The following DCLK1 variants were observed in gnomAD, a reference collection of about 807,000 sequenced individuals.
DCLK1 encodes serine/threonine-protein kinase DCLK1.
In DCLK1, 16 loss-of-function variants were observed where a neutral mutation model predicts 86.2. The ratio of observed to expected loss-of-function variants is 0.19; its 90% CI spans 0.13 to 0.28. DCLK1 has a LOEUF of 0.28. Among genes scored for constraint, DCLK1 ranks in the 10% least tolerant of loss-of-function variants. DCLK1 has a pLI of 1.00. For missense variants in DCLK1, 590 were observed against 940.2 expected (o/e 0.63, Z 4.87); for synonymous variants, 369 against 370.5 (o/e 1.00, Z 0.05).
At chr13:36,100,212 A>C (rs1164802816) in intron 3 of DCLK1, among the ~76,000 whole-genome samples, 7 of 83,240 alleles carry the variant, frequency 8.4e-5, no homozygotes, top group Non-Finnish European at 1.6e-4. Flanking sequence ...AAAAAAAAAA[A>C]ACCACACACA....
intron 3 of DCLK1, among the ~76,000 whole-genome samples, chr13:35,983,258 TG>T: frequency 6.6e-6 from 1 of 152,314 alleles, no homozygotes; most frequent in African/African-American, 2.4e-5. Flanking sequence ...CCTAAAGCGC[TG>T]GGATTACAGG....
intron 4 of DCLK1, among the ~76,000 whole-genome samples, chr13:35,908,918 G>A (rs952283558): frequency 5.3e-5 from 8 of 152,200 alleles, no homozygotes; most frequent in Middle Eastern, 6.3e-3. Flanking sequence ...TTACAGGTGT[G>A]AGCCACCACA....
chr13:35,781,333 C>T (rs1157857425), intron 16 of DCLK1, among the ~76,000 whole-genome samples: 2 of 152,212 alleles, frequency 1.3e-5, no homozygotes, highest in East Asian at 1.9e-4. Flanking sequence ...CATCGAGCCC[C>T]AATTTCCAGG....
intron 3 of DCLK1, among the ~76,000 whole-genome samples, chr13:36,076,519 C>A (rs903146255): frequency 6.6e-6 from 1 of 152,174 alleles, no homozygotes; most frequent in Admixed American, 6.5e-5. Flanking sequence ...TATTGTATGT[C>A]CTTCTGATCA....
chr13:36,045,058 C>A (rs1459308357), intron 3 of DCLK1, among the ~76,000 whole-genome samples: 1 of 151,110 alleles, frequency 6.6e-6, no homozygotes, highest in Admixed American at 6.6e-5. Context: ...TATTCTATTT[C>A]TTAATCTGAG....
chr13:35,877,405 C>T (rs1158689370), intron 4 of DCLK1, among the ~76,000 whole-genome samples: 1 of 152,200 alleles, frequency 6.6e-6, no homozygotes, highest in Non-Finnish European at 1.5e-5. Context: ...CCACCAAAGA[C>T]ACCAGTGGCT....
At chr13:36,015,037 C>T (rs565512635) in intron 3 of DCLK1, among the ~76,000 whole-genome samples, 33 of 151,596 alleles carry the variant, frequency 2.2e-4, no homozygotes, top group African/African-American at 4.4e-4. Context: ...TCTCCCTATC[C>T]GCCCCCCCAC....
intron 4 of DCLK1, among the ~76,000 whole-genome samples, chr13:35,919,870 T>C (rs748539795): frequency 2.4e-4 from 29 of 120,316 alleles, no homozygotes; most frequent in Non-Finnish European, 4.4e-4. Context: ...TCTTCCTCTG[T>C]ACAATGAGGA....
intron 6 of DCLK1, among the ~76,000 whole-genome samples, chr13:35,845,599 G>A (rs1870119611): frequency 6.6e-6 from 1 of 152,148 alleles, no homozygotes; most frequent in Non-Finnish European, 1.5e-5. Flanking sequence ...TTATCGATAT[G>A]TCTGACAAAT....
At chr13:36,126,219 T>TG (rs879211637) in intron 1 of DCLK1, 63 bp from the exon 2 acceptor site, 376,950 of 1,237,572 alleles carry the variant, frequency 0.3, 66,114 homozygotes, top group East Asian at 0.57. Flanking sequence ...ATATATATAT[T>TG]TTTTTGTTTT....
At chr13:36,047,612 C>T (rs1882965152) in intron 3 of DCLK1, among the ~76,000 whole-genome samples, 1 of 152,056 alleles carries the variant, frequency 6.6e-6, no homozygotes, top group Non-Finnish European at 1.5e-5. Context: ...TGCATGATCT[C>T]AGTTACATGT....
chr13:35,967,152 C>T (rs1005091688), intron 3 of DCLK1, among the ~76,000 whole-genome samples: 3 of 151,746 alleles, frequency 2.0e-5, no homozygotes, highest in Non-Finnish European at 4.4e-5. Context: ...TCTGCCCGGC[C>T]GCCACCCCGA....
chr13:35,886,388 A>G lies in DCLK1; in HGVS notation c.824-15048T>C, dbSNP rs1465852531. 2.0e-5 allele frequency among the ~76,000 whole-genome samples: 3 copies of G among 152,152 alleles called. No individual in the cohort carries two copies. In the East Asian group the frequency reaches 5.8e-4, roughly 29 times the overall value. On this transcript the variant is annotated intron_variant, in intron 4 of 16. Coordinates refer to ENST00000360631, the MANE Select transcript of DCLK1 (RefSeq NM_001330071.2). ...CGGCAGCCAATCGTGTTTCTGGGCAATGGTTTAGATACTGCTCTAAATATT... is the reference window on the plus strand; with the variant it reads ...CGGCAGCCAATCGTGTTTCTGGGCAGTGGTTTAGATACTGCTCTAAATATT...
chr13:36,057,547 G>A (rs1883382680), intron 3 of DCLK1, among the ~76,000 whole-genome samples: 3 of 152,196 alleles, frequency 2.0e-5, no homozygotes, highest in African/African-American at 4.8e-5. Flanking sequence ...GAGATGAACT[G>A]CAAGTTTTGC....
At chr13:35,819,758 T>C (rs2087349924) in intron 11 of DCLK1, among the ~76,000 whole-genome samples, 1 of 151,860 alleles carries the variant, frequency 6.6e-6, no homozygotes, top group Admixed American at 6.6e-5. Context: ...CACAGGTGAA[T>C]AGTAAAATTT....
At chr13:36,064,911 T>C (rs1227747090) in intron 3 of DCLK1, among the ~76,000 whole-genome samples, 2 of 152,176 alleles carry the variant, frequency 1.3e-5, no homozygotes, top group Non-Finnish European at 2.9e-5. Flanking sequence ...TTCTTAAACA[T>C]GATTAAATAA....
intron 16 of DCLK1, among the ~76,000 whole-genome samples, chr13:35,785,430 C>A (rs551922733): frequency 1.3e-5 from 2 of 152,020 alleles, no homozygotes; most frequent in Non-Finnish European, 2.9e-5. Flanking sequence ...GAGCTCACAC[C>A]TGGGGCAGCG....
intron 3 of DCLK1, among the ~76,000 whole-genome samples, chr13:36,001,446 C>T (rs967765854): frequency 6.6e-6 from 1 of 152,172 alleles, no homozygotes; most frequent in African/African-American, 2.4e-5. Context: ...TCATTTCACT[C>T]TCCTGGACCT....
chr13:36,094,216 C>A (rs936763725), intron 3 of DCLK1, among the ~76,000 whole-genome samples: 1 of 152,158 alleles, frequency 6.6e-6, no homozygotes, highest in African/African-American at 2.4e-5. Context: ...CAGTTTTAAT[C>A]TCAGTAAATA....
Sources: allele counts gnomAD v4.1 joint callset (sites outside exome capture counted in the v4.1 genomes callset), GRCh38; gene constraint gnomAD v4.1.1; transcripts MANE v1.5; gene names NCBI Gene and HGNC (gene_info 2026-07-23, HGNC 2026-07-21).